Variants in RAPSN observed in about 807,000 individuals in gnomAD.
RAPSN encodes 43 kDa receptor-associated protein of the synapse.
Under a neutral mutation model 45.7 loss-of-function variants are expected in RAPSN, and 33 were observed. That is an observed-to-expected ratio of 0.72 (90% CI 0.55 to 0.97). The LOEUF (loss-of-function observed/expected upper bound fraction) is 0.97, where lower values mean the gene tolerates loss of function less well. RAPSN is among the 50% of genes least tolerant of loss of function. The pLI, the probability that RAPSN is intolerant of heterozygous loss-of-function variation, is 0.00. For missense variants in RAPSN, 519 were observed against 559.4 expected, an observed-to-expected ratio of 0.93 and a Z score of 0.73; for synonymous variants, 244 against 233.6, an observed-to-expected ratio of 1.04 and a Z score of -0.40.
intron 1 of RAPSN, 112 bp from the exon 2 acceptor site, chr11:47,448,262 C>A (rs560733911): frequency 8.8e-7 from 1 of 1,137,476 alleles, no homozygotes; most frequent in Admixed American, 1.9e-5. Context: ...CCCAGCCTCA[C>A]ACCCAAAGCA....
intron 2 of RAPSN, 115 bp downstream of exon 2, chr11:47,447,695 ACT>A: frequency 8.2e-7 from 1 of 1,215,080 alleles, no homozygotes; most frequent in Non-Finnish European, 1.2e-6. Flanking sequence ...TCTGATTCTC[ACT>A]CTCCTCAGCC....
rs768059942 is a variant in RAPSN at position 47,438,783 on chromosome 11, T to C, written c.1115A>G (p.Glu372Gly). 7 of 1,568,342 alleles carry C rather than the reference T, an allele frequency of 4.5e-6. No individual in the cohort carries two copies. In the African/African-American group the frequency reaches 9.4e-5, roughly 21 times the overall value. ...TAGGGCCTGCAGCCGGCTGTTCTTCTCGCCTATGGACTCGCCGCACAGGCC... is the reference window on the plus strand; with the variant it reads ...TAGGGCCTGCAGCCGGCTGTTCTTCCCGCCTATGGACTCGCCGCACAGGCC... The part of the protein sequence containing the change: ...YCGLCGESIG[E>G]KNSRLQALPC... The change falls in exon 7 of 8, where the codon GAG becomes GGG. Residue 372 changes from glutamate (E) to glycine (G), a missense_variant. Transcript: ENST00000298854.
chr11:47,440,757 T>G (rs1031504365), intron 6 of RAPSN, among the ~76,000 whole-genome samples: 2 of 152,150 alleles, frequency 1.3e-5, no homozygotes, highest in African/African-American at 4.8e-5. Context: ...TCAAAAATGT[T>G]TTTTTCTTTT....
At chr11:47,444,844 CAA>C (rs2076392243) in intron 2 of RAPSN, among the ~76,000 whole-genome samples, 1 of 95,878 alleles carries the variant, frequency 1.0e-5, no homozygotes, top group Non-Finnish European at 1.9e-5. Context: ...GGCAACAGAG[CAA>C]GACACTGTCT....
chr11:47,444,164 A>G (rs963879467), intron 2 of RAPSN, among the ~76,000 whole-genome samples: 1 of 152,042 alleles, frequency 6.6e-6, no homozygotes, highest in Non-Finnish European at 1.5e-5. Context: ...TTTTCCTAAT[A>G]TGCCTTATTA....
chr11:47,446,436 A>T (rs748176724), intron 2 of RAPSN, among the ~76,000 whole-genome samples: 2 of 152,014 alleles, frequency 1.3e-5, no homozygotes, highest in Non-Finnish European at 2.9e-5. Flanking sequence ...TCTGCTTCCT[A>T]AAAACAAAGT....
At chr11:47,441,439 G>T (rs2076361248) in intron 5 of RAPSN, 172 bp downstream of exon 5, 2 of 1,337,364 alleles carry the variant, frequency 1.5e-6, no homozygotes, top group East Asian at 5.0e-5. Flanking sequence ...GTGGGTCCTA[G>T]GGCAAGTGAT....
intron 2 of RAPSN, among the ~76,000 whole-genome samples, chr11:47,447,533 C>T (rs1259181220): frequency 1.3e-5 from 2 of 152,216 alleles, no homozygotes; most frequent in African/African-American, 4.8e-5. Flanking sequence ...GACCACACAG[C>T]AAACATGGCA....
intron 2 of RAPSN, among the ~76,000 whole-genome samples, chr11:47,446,963 C>T (rs113908435): frequency 0.024 from 3,674 of 152,206 alleles, 61 homozygotes; most frequent in Non-Finnish European, 0.039. Context: ...CTATCAGTTC[C>T]TTCACAGTTG....
At position 47,441,894 on chromosome 11, in the gene RAPSN, C is replaced by T. The variant is rs773316367; in HGVS notation, c.718G>A (p.Gly240Arg). 5.7e-6 allele frequency: 9 copies of T among 1,589,166 alleles called. No individual in the cohort carries two copies. Among genetic ancestry groups the T allele is most frequent in the South Asian group, 2.3e-5 (2 of 87,752 alleles). The change falls in exon 4 of 8, where the codon GGG becomes AGG. Residue 240 changes from glycine to arginine, a missense_variant. Gly to Arg is a moderately radical substitution (Grantham distance 125). Transcript: ENST00000298854. ...EESMKIALQH[G>R]DRPLQALCLL... ...CAGAGCGCCTGCAGTGGCCGGTCCC[C>T]GTGCTGCAGCGCGATCTTCATAGAC... is the stretch of plus-strand genomic sequence containing the variant.
At position 47,441,631 on chromosome 11, in the gene RAPSN, C is replaced by T; in HGVS notation, c.892G>A (p.Ala298Thr). 6.2e-7 allele frequency: 1 copy of T among 1,608,042 alleles called. No individual in the cohort carries two copies. Among genetic ancestry groups the T allele is most frequent in the Non-Finnish European group, 8.5e-7 (1 of 1,179,664 alleles). The change falls in exon 5 of 8, where the codon GCC (alanine) becomes ACC (threonine). Residue 298 changes from alanine to threonine, a missense_variant. Ala to Thr is a moderately conservative substitution (Grantham distance 58). Coordinates refer to ENST00000298854, the MANE Select transcript of RAPSN (RefSeq NM_005055.5). ...CTCACCTTGTCCAGCGCCTTCCTGG[C>T]CACCCAGCACTTGGCCACACCCAGC... The part of the protein sequence containing the change: ...ALLGVAKCWV[A>T]RKALDKALDA...
At position 47,437,769 on chromosome 11, in the gene RAPSN, TACAA is replaced by T. The variant is rs774879759; in HGVS notation, c.*202_*205del. ...GAAAGTCGGAATCCCTGGGACCAGG[TACAA>T]ACAGTTTATTTTTCTATAAAGAGCA... On this transcript the variant is annotated 3_prime_UTR_variant, in exon 8 of 8. Coordinates refer to ENST00000298854, the MANE Select transcript of RAPSN (RefSeq NM_005055.5). 5.8e-6 allele frequency: 4 copies of T among 693,012 alleles called. No individual in the cohort carries two copies. Among genetic ancestry groups the T allele is most frequent in the Non-Finnish European group, 1.0e-5 (4 of 396,552 alleles). 42.9% of individuals were successfully genotyped at this position (693,012 alleles called of 1,614,324 possible). A position where few individuals can be genotyped will look rare whatever the true frequency, so the allele number is the denominator to read the frequency against.
chr11:47,445,490 G>A (rs2076398492), intron 2 of RAPSN, among the ~76,000 whole-genome samples: 3 of 151,014 alleles, frequency 2.0e-5, no homozygotes, highest in Non-Finnish European at 2.9e-5. Context: ...CAGCTACTCG[G>A]GAGGCTGAGC....
At chr11:47,440,365 C>G (rs1014505344) in intron 6 of RAPSN, among the ~76,000 whole-genome samples, 4 of 152,194 alleles carry the variant, frequency 2.6e-5, no homozygotes, top group South Asian at 2.1e-4. Context: ...GCAGCCTTGA[C>G]CTCCTGGGCT....
intron 7 of RAPSN, 78 bp from the exon 8 acceptor site, chr11:47,438,125 C>A: frequency 6.7e-7 from 1 of 1,481,694 alleles, no homozygotes; most frequent in Non-Finnish European, 9.2e-7. Flanking sequence ...CCTTGCCTGC[C>A]CTCTGCAGGG....
chr11:47,443,931 C>CAAAAAAAAAAAAAAAAAAAAAAAAA (rs1161231934), intron 2 of RAPSN, among the ~76,000 whole-genome samples: 14 of 13,968 alleles, frequency 1.0e-3, no homozygotes, highest in African/African-American at 1.3e-3. Flanking sequence ...CTCTGTCTCA[C>CAAAAAAAAAAAAAAAAAAAAAAAAA]AAAAAAAAAA....
intron 6 of RAPSN, among the ~76,000 whole-genome samples, 181 bp downstream of exon 6, chr11:47,440,978 C>G (rs2153308025): frequency 6.6e-6 from 1 of 152,298 alleles, no homozygotes; most frequent in African/African-American, 2.4e-5. Flanking sequence ...AACTTCTGCC[C>G]TGCCCTCAGA....
Position 47,449,097 on chromosome 11 carries a change from G to A in RAPSN, c.-133C>T. 1 of 1,095,914 alleles carries A rather than the reference G, an allele frequency of 9.1e-7. No homozygotes were observed. Among genetic ancestry groups the A allele is most frequent in the Non-Finnish European group, 1.4e-6 (1 of 735,596 alleles). The allele number at this position is 1,095,914 out of a possible 1,614,324, so 67.9% of individuals were successfully genotyped here. On this transcript the variant is annotated 5_prime_UTR_variant, in exon 1 of 8. Coordinates refer to ENST00000298854, the MANE Select transcript of RAPSN (RefSeq NM_005055.5). ...CAAAAGCAGCGTCGGGTGGGAGCCGGAATGGGGCCTGGATGGAGAGCAGGC... is the reference window on the plus strand; with the variant it reads ...CAAAAGCAGCGTCGGGTGGGAGCCGAAATGGGGCCTGGATGGAGAGCAGGC...
intron 3 of RAPSN, 65 bp from the exon 4 acceptor site, chr11:47,441,986 A>C: frequency 6.8e-7 from 1 of 1,471,838 alleles, no homozygotes; most frequent in Non-Finnish European, 9.2e-7. Context: ...CCCTCCCCTC[A>C]ACAGACCCCT....
Sources: allele counts gnomAD v4.1 joint callset (sites outside exome capture counted in the v4.1 genomes callset), GRCh38; gene constraint gnomAD v4.1.1; transcripts MANE v1.5; gene names NCBI Gene and HGNC (gene_info 2026-07-23, HGNC 2026-07-21).